Variants in TJP1 observed in about 807,000 individuals in gnomAD.
TJP1 encodes tight junction protein 1.
Under a neutral mutation model 194.2 loss-of-function variants are expected in TJP1, and 43 were observed. The ratio of observed to expected loss-of-function variants is 0.22; its 90% CI spans 0.17 to 0.29. The LOEUF is 0.29. Ranked by LOEUF, TJP1 falls within the 10% of genes least tolerant of loss-of-function variation. The pLI is 1.00. For synonymous variants in TJP1, 801 were observed against 779.0 expected (o/e 1.03, Z -0.47); for missense variants, 1,971 against 2,185.7 (o/e 0.90, Z 1.96).
At chr15:29,867,114 G>A (rs2052334116) in intron 2 of TJP1, among the ~76,000 whole-genome samples, 1 of 152,176 alleles carries the variant, frequency 6.6e-6, no homozygotes, top group African/African-American at 2.4e-5. Flanking sequence ...GATAAATTAT[G>A]TAGTATATAA....
chr15:29,773,731 T>C (rs2046836937), intron 2 of TJP1, among the ~76,000 whole-genome samples: 1 of 152,210 alleles, frequency 6.6e-6, no homozygotes, highest in African/African-American at 2.4e-5. Context: ...GACAGACTTA[T>C]CCAGCATACA....
At chr15:29,926,447 A>C (rs1159608622) in intron 2 of TJP1, among the ~76,000 whole-genome samples, 1 of 152,066 alleles carries the variant, frequency 6.6e-6, no homozygotes, top group East Asian at 1.9e-4. Flanking sequence ...CCGTCTCTAC[A>C]AAAAAATGCA....
chr15:29,726,793 G>T lies in TJP1; in HGVS notation c.2299C>A (p.His767Asn), dbSNP rs1302332772. ...TTAACATACTCACTTGTAAAAAGAT[G>T]GTGATTATTTTTACGAAGTTTATGA... Reference protein sequence around the residue: ...RSHKLRKNNHHLFTTTINLNS... With the variant: ...RSHKLRKNNHNLFTTTINLNS... Residue 767 changes from histidine to asparagine, a missense_variant, in exon 17 of 28, where the codon CAT becomes AAT. This residue lies in a region of TJP1 where 402 missense variants were observed against 484.2 expected (regional missense o/e 0.83). Coordinates refer to ENST00000614355, the MANE Select transcript of TJP1 (RefSeq NM_001330239.4). 1.9e-6 allele frequency: 3 copies of T among 1,613,850 alleles called. No homozygotes were observed. In the Admixed American group the frequency reaches 5.0e-5, roughly 27 times the overall value.
chr15:29,855,459 C>T (rs1286188856), intron 2 of TJP1, among the ~76,000 whole-genome samples: 1 of 152,150 alleles, frequency 6.6e-6, no homozygotes, highest in African/African-American at 2.4e-5. Flanking sequence ...CTGATATGAT[C>T]ATGACACATT....
intron 18 of TJP1, among the ~76,000 whole-genome samples, chr15:29,725,633 ACAAAATAAACAGACCTTCCCAT>A (rs1328539268): frequency 6.6e-6 from 1 of 152,212 alleles, no homozygotes; most frequent in Non-Finnish European, 1.5e-5. Flanking sequence ...AACTCTCCAG[ACAAAATAAACAGACCTTCCCAT>A]CAAAGATTGC....
At chr15:29,758,832 G>A (rs1276306092) in intron 8 of TJP1, 4 of 152,038 alleles carry the variant, frequency 2.6e-5, no homozygotes, top group African/African-American at 7.3e-5. Flanking sequence ...AACTTTACAC[G>A]TAACATGCCA....
chr15:29,863,274 C>T (rs1224178598), intron 2 of TJP1, among the ~76,000 whole-genome samples: 2 of 150,552 alleles, frequency 1.3e-5, no homozygotes, highest in Middle Eastern at 3.2e-3. Flanking sequence ...CCAGCCTGGG[C>T]GACAAAGCGA....
At chr15:29,832,176 C>A (rs1292348030) in intron 2 of TJP1, among the ~76,000 whole-genome samples, 1 of 152,102 alleles carries the variant, frequency 6.6e-6, no homozygotes, top group Non-Finnish European at 1.5e-5. Flanking sequence ...GTAAACATGA[C>A]ACAAGCAGAG....
chr15:29,754,122 C>T (rs2045486244), intron 8 of TJP1, among the ~76,000 whole-genome samples: 1 of 152,164 alleles, frequency 6.6e-6, no homozygotes, highest in Non-Finnish European at 1.5e-5. Context: ...GACATGGAGT[C>T]AACCTATATG....
At chr15:29,798,879 G>A (rs1034019044) in intron 2 of TJP1, among the ~76,000 whole-genome samples, 2 of 152,174 alleles carry the variant, frequency 1.3e-5, no homozygotes, top group Non-Finnish European at 1.5e-5. Flanking sequence ...AATGCATTAG[G>A]CTAAGTGTAA....
At position 29,704,226 on chromosome 15, in the gene TJP1, T is replaced by TTTA. The variant is rs1410841845; in HGVS notation, c.5147_5148insTAA (p.Pro1716_His1717insLys). The stretch of plus-strand genomic sequence containing the variant: ...CGTCAGGAGTCATGGACGCACAGTG[T>TTTA]GGTAAGCGCAGCTCCACAGGCTTCA... On this transcript the variant is annotated inframe_insertion, in exon 27 of 28. Coordinates refer to ENST00000614355, the MANE Select transcript of TJP1 (RefSeq NM_001330239.4). 3 of 1,593,642 alleles carry TTTA rather than the reference T, an allele frequency of 1.9e-6. No homozygotes were observed. The highest frequency in any genetic ancestry group is 1.3e-5 in the African/African-American group (1 of 74,766).
intron 2 of TJP1, among the ~76,000 whole-genome samples, chr15:29,854,072 C>T (rs2051751059): frequency 6.6e-6 from 1 of 152,168 alleles, no homozygotes; most frequent in Non-Finnish European, 1.5e-5. Flanking sequence ...CATGGCCAGT[C>T]TCTTGCCATG....
rs2050436842 is a variant in TJP1, at chr15:29,822,190, C to T, written c.-162G>A. The stretch of plus-strand genomic sequence containing the variant: ...CCCGGCCCAGGGGGAGGGAATTCAA[C>T]TCGGACAAAAGTCCGGGAAGCGCCC... On this transcript the variant is annotated 5_prime_UTR_variant, in exon 1 of 28. Transcript: ENST00000614355. 8.5e-7 allele frequency: 1 copy of T among 1,181,636 alleles called. No homozygotes were observed. Among genetic ancestry groups the T allele is most frequent in the Admixed American group, 4.5e-5 (1 of 22,002 alleles). 73.2% of individuals were successfully genotyped at this position (1,181,636 alleles called of 1,614,324 possible). A position where few individuals can be genotyped will look rare whatever the true frequency, so the allele number is the denominator to read the frequency against.
At chr15:29,942,289 C>T (rs1015655657) in intron 2 of TJP1, among the ~76,000 whole-genome samples, 5 of 152,106 alleles carry the variant, frequency 3.3e-5, no homozygotes, top group African/African-American at 1.2e-4. Context: ...TGGCACAGGT[C>T]AACTGGAATG....
At chr15:29,814,569 G>A (rs1037701391) in intron 1 of TJP1, among the ~76,000 whole-genome samples, 4 of 152,054 alleles carry the variant, frequency 2.6e-5, no homozygotes, top group Non-Finnish European at 4.4e-5. Context: ...TTCCAAAAGC[G>A]TGAAAATTCC....
At chr15:29,918,365 A>G (rs1209620566) in intron 2 of TJP1, among the ~76,000 whole-genome samples, 1 of 152,206 alleles carries the variant, frequency 6.6e-6, no homozygotes, top group Non-Finnish European at 1.5e-5. Flanking sequence ...ACTAAGGATC[A>G]GAGGACTTTT....
intron 2 of TJP1, among the ~76,000 whole-genome samples, chr15:29,843,550 G>T (rs940831618): frequency 6.6e-6 from 1 of 152,166 alleles, no homozygotes; most frequent in African/African-American, 2.4e-5. Context: ...CTAAGATGAA[G>T]AAAGTTATCT....
chr15:29,954,841 G>C lies in TJP1; in HGVS notation c.306+1391C>G, dbSNP rs889278232. 2.6e-5 allele frequency among the ~76,000 whole-genome samples: 4 copies of C among 152,284 alleles called. No homozygotes were observed. The East Asian group carries it at 7.7e-4, about 29-fold the overall frequency. ...CACGCCTGTAATCCCAGCAATTTAG[G>C]AGGCCGAGGCGGGTGGATCACAAGG... On this transcript the variant is annotated intron_variant, in intron 2 of 28. Transcript: ENST00000356107.
At chr15:29,711,708 C>T (rs1288971352) in intron 23 of TJP1, among the ~76,000 whole-genome samples, 2 of 151,650 alleles carry the variant, frequency 1.3e-5, no homozygotes, top group Non-Finnish European at 3.0e-5. Flanking sequence ...CTGGCATACT[C>T]GGAGCACCAT....
Sources: gnomAD v4.1 joint callset for allele counts (sites outside exome capture counted in the v4.1 genomes callset) on GRCh38, gnomAD v4.1.1 for gene constraint, gnomAD v4.1.1 regional missense constraint, MANE v1.5 for transcripts, NCBI Gene and HGNC (gene_info 2026-07-23, HGNC 2026-07-21) for gene names.